The following GPC3 variants were observed in gnomAD, a reference collection of about 807,000 sequenced individuals.
GPC3 encodes the protein glypican-3.
GPC3 carries 3 observed loss-of-function variants against 34.4 expected under a neutral mutation model. The ratio of observed to expected loss-of-function variants is 0.09; its 90% CI spans 0.04 to 0.23. The LOEUF (loss-of-function observed/expected upper bound fraction) is 0.23, where lower values mean the gene tolerates loss of function less well. Ranked by LOEUF, GPC3 falls within the 10% of genes least tolerant of loss-of-function variation. The pLI, the probability that GPC3 is intolerant of heterozygous loss-of-function variation, is 1.00. For synonymous variants in GPC3, 177 were observed against 174.0 expected, an observed-to-expected ratio of 1.02 and a Z score of -0.13; for missense variants, 351 against 445.6, an observed-to-expected ratio of 0.79 and a Z score of 1.91.
intron 2 of GPC3, among the ~76,000 whole-genome samples, chrX:133,848,778 G>T (rs2075858068): frequency 9.0e-6 from 1 of 111,164 alleles, no homozygotes; most frequent in South Asian, 3.8e-4. Context: ...TAGCACAGTG[G>T]CTGACCCACT....
intron 2 of GPC3, among the ~76,000 whole-genome samples, chrX:133,951,985 C>T (rs1834879554): frequency 1.8e-5 from 2 of 111,374 alleles, no homozygotes; most frequent in Admixed American, 9.6e-5. Flanking sequence ...ATTTTTCTAT[C>T]TGACCTCGAT....
At chrX:133,787,831 G>A (rs1181634749) in intron 2 of GPC3, among the ~76,000 whole-genome samples, 2 of 109,499 alleles carry the variant, frequency 1.8e-5, no homozygotes, top group African/African-American at 6.7e-5. Flanking sequence ...GCATCCCATA[G>A]TTCAATTACA....
intron 2 of GPC3, among the ~76,000 whole-genome samples, chrX:133,875,604 C>G (rs1045426247): frequency 3.6e-5 from 4 of 111,269 alleles, no homozygotes; most frequent in Non-Finnish European, 5.7e-5. Flanking sequence ...ATCCCAGTCT[C>G]TCATATTCTT....
At chrX:133,916,655 G>A (rs1169981794) in intron 2 of GPC3, among the ~76,000 whole-genome samples, 1 of 111,391 alleles carries the variant, frequency 9.0e-6, no homozygotes, top group African/African-American at 3.3e-5. Flanking sequence ...AAAGCAGGGA[G>A]ATCACTGGAG....
chrX:133,973,094 G>T (rs2076500142), intron 1 of GPC3, among the ~76,000 whole-genome samples: 1 of 111,264 alleles, frequency 9.0e-6, no homozygotes, highest in Non-Finnish European at 1.9e-5. Context: ...GAGGAAGAGG[G>T]CAAACAAGCA....
At chrX:133,777,757 A>G (rs1204407286) in intron 2 of GPC3, among the ~76,000 whole-genome samples, 5 of 111,401 alleles carry the variant, frequency 4.5e-5, no homozygotes, top group African/African-American at 1.6e-4. Context: ...CTGTCAATTC[A>G]GAGTTTCTAG....
At chrX:133,730,670 T>C (rs936451636) in intron 3 of GPC3, among the ~76,000 whole-genome samples, 2 of 111,978 alleles carry the variant, frequency 1.8e-5, no homozygotes, top group African/African-American at 6.5e-5. Context: ...TATTGTGATT[T>C]CTAGGAATCC....
At chrX:133,621,437 C>T (rs1328383582) in intron 6 of GPC3, among the ~76,000 whole-genome samples, 2 of 111,851 alleles carry the variant, frequency 1.8e-5, no homozygotes, top group African/African-American at 3.2e-5. Context: ...TCTGGAAAAT[C>T]GGGACACTCC....
At chrX:133,896,912 T>A (rs1355595165) in intron 2 of GPC3, among the ~76,000 whole-genome samples, 1 of 104,182 alleles carries the variant, frequency 9.6e-6, no homozygotes, top group African/African-American at 3.5e-5. Context: ...TGACCTTTTT[T>A]TTTTTTTTTT....
At chrX:133,848,249 G>A (rs1603258852) in intron 2 of GPC3, among the ~76,000 whole-genome samples, 2 of 111,882 alleles carry the variant, frequency 1.8e-5, no homozygotes, top group African/African-American at 3.2e-5. Context: ...GTTTTGGGGG[G>A]TAAAGAAATA....
At chrX:133,788,593 G>A (rs930788881) in intron 2 of GPC3, among the ~76,000 whole-genome samples, 11 of 109,604 alleles carry the variant, frequency 1.0e-4, no homozygotes, top group Non-Finnish European at 1.9e-4. Flanking sequence ...AAAGAATACA[G>A]TGATGGTTGC....
intron 7 of GPC3, among the ~76,000 whole-genome samples, chrX:133,550,896 T>A (rs2069427598): frequency 8.9e-6 from 1 of 112,071 alleles, no homozygotes; most frequent in Non-Finnish European, 1.9e-5. Flanking sequence ...ACAGCATCAG[T>A]TTACCACACT....
intron 6 of GPC3, among the ~76,000 whole-genome samples, chrX:133,648,756 C>T (rs1393233711): frequency 1.8e-5 from 2 of 112,072 alleles, no homozygotes; most frequent in South Asian, 3.8e-4. Context: ...ATAATGCTAT[C>T]GATGTACTTT....
chrX:133,608,654 C>A (rs1422806720), intron 6 of GPC3, among the ~76,000 whole-genome samples: 1 of 111,758 alleles, frequency 8.9e-6, no homozygotes, highest in East Asian at 2.8e-4. Flanking sequence ...CTTGAAGAGT[C>A]AACCTCAATG....
chrX:133,635,497 C>T (rs2070411850), intron 6 of GPC3, among the ~76,000 whole-genome samples: 1 of 111,854 alleles, frequency 8.9e-6, no homozygotes, highest in African/African-American at 3.2e-5. Flanking sequence ...AAATTTTGGT[C>T]CTAACCTTCA....
chrX:133,797,720 C>A (rs974590220), intron 2 of GPC3, among the ~76,000 whole-genome samples: 4 of 110,246 alleles, frequency 3.6e-5, no homozygotes, highest in African/African-American at 1.3e-4. Flanking sequence ...GTCCCAGCTG[C>A]TTGGGAGGCT....
chrX:133,621,938 C>T (rs2070237417), intron 6 of GPC3, among the ~76,000 whole-genome samples: 1 of 111,835 alleles, frequency 8.9e-6, no homozygotes. Flanking sequence ...GGCCAGGTGC[C>T]CCTCTGAGAT....
At chrX:133,607,422 ATT>A (rs11296907) in intron 6 of GPC3, among the ~76,000 whole-genome samples, 3 of 108,086 alleles carry the variant, frequency 2.8e-5, no homozygotes, top group African/African-American at 1.0e-4. Flanking sequence ...TTATTCACTG[ATT>A]TTTTTTTTCT....
chrX:133,855,270 CTCTTGT>C (rs2075894750), intron 2 of GPC3, among the ~76,000 whole-genome samples: 2 of 110,269 alleles, frequency 1.8e-5, no homozygotes, highest in Admixed American at 1.9e-4. Context: ...TGAAGTGATC[CTCTTGT>C]TTCAGCTTCC....
Sources: allele counts gnomAD v4.1 joint callset (sites outside exome capture counted in the v4.1 genomes callset), GRCh38; gene constraint gnomAD v4.1.1; transcripts MANE v1.5; gene names NCBI Gene and HGNC (gene_info 2026-07-23, HGNC 2026-07-21).